ARHGAP45: variants seen among roughly 807,000 people sequenced by gnomAD.
The protein encoded by ARHGAP45 is rho GTPase-activating protein 45.
In ARHGAP45, 56 loss-of-function variants were observed where a neutral mutation model predicts 116.1. That is an observed-to-expected ratio of 0.48 (90% CI 0.39 to 0.60). The LOEUF is 0.60. ARHGAP45 is among the 20% of genes least tolerant of loss of function. The pLI is 0.00. For missense variants in ARHGAP45, 1,622 were observed against 1,601.0 expected (o/e 1.01, Z -0.22); for synonymous variants, 866 against 701.7 (o/e 1.23, Z -3.70).
rs1376387631 is a variant in ARHGAP45, at chr19:1,069,581, G to A, written c.421+837G>A. Among the ~76,000 whole-genome samples the A allele has an allele frequency of 6.6e-6, 1 of 152,222 alleles. No individual in the cohort carries two copies. Among genetic ancestry groups the A allele is most frequent in the Non-Finnish European group, 1.5e-5 (1 of 68,042 alleles). ...CAGAGCCAGGACTGGACCTCAAGTGGTGGAGTGGCCTCTGCACCTTCAGGG... is the reference window on the plus strand; with the variant it reads ...CAGAGCCAGGACTGGACCTCAAGTGATGGAGTGGCCTCTGCACCTTCAGGG... On this transcript the variant is annotated intron_variant, in intron 2 of 22. Transcript: ENST00000313093. This position sits in a 1 kb window ranked among gnomAD's most constrained non-coding sequence, Gnocchi z 4.1.
chr19:1,082,726 C>A, intron 19 of ARHGAP45, 114 bp from the exon 20 acceptor site: 2 of 875,246 alleles, frequency 2.3e-6, no homozygotes, highest in Non-Finnish European at 1.6e-6. Flanking sequence ...AACCCGAGCT[C>A]GGTGGGGTGT....
chr19:1,075,136 G>C (rs772222758), intron 10 of ARHGAP45, among the ~76,000 whole-genome samples: 4 of 152,082 alleles, frequency 2.6e-5, no homozygotes, highest in Non-Finnish European at 5.9e-5. Context: ...CAGAAATGGG[G>C]AGAAGCCGTG....
chr19:1,072,512 C>A (rs1413310007), intron 2 of ARHGAP45, among the ~76,000 whole-genome samples: 1 of 152,200 alleles, frequency 6.6e-6, no homozygotes, highest in Non-Finnish European at 1.5e-5. Flanking sequence ...GCCTCAGCCT[C>A]CCAAAGTGCT....
rs1568478771 is a variant in ARHGAP45 at position 1,081,693 on chromosome 19, C to T, written c.2334C>T (p.Val778=). 1.9e-6 allele frequency: 3 copies of T among 1,589,806 alleles called. No homozygotes were observed. Among genetic ancestry groups the T allele is most frequent in the African/African-American group, 2.7e-5 (2 of 74,410 alleles). The change falls in exon 18 of 23, where the codon GTC becomes GTT. Residue 778 remains valine, a synonymous_variant. Coordinates refer to ENST00000313093, the MANE Select transcript of ARHGAP45 (RefSeq NM_012292.5). ...RSAPDGVPFI[V]KKCVCEIERR... ...CCCCCGACGGCGTGCCCTTCATCGT[C>T]AAGAAGTGCGTCTGCGAGATCGAGC...
chr19:1,077,832 G>A lies in ARHGAP45; in HGVS notation c.1186-25G>A, dbSNP rs754886120. 1.9e-5 allele frequency: 29 copies of A among 1,551,064 alleles called. No individual in the cohort carries two copies. The East Asian group carries it at 6.1e-4, about 33-fold the overall frequency. On this transcript the variant is annotated intron_variant, in intron 10 of 22. Transcript: ENST00000313093. ...CCCATCCGAGGATAGGGTTGGAACT[G>A]GCCTCCTGGCTCCCACACCCACAGC... is the stretch of plus-strand genomic sequence containing the variant.
intron 2 of ARHGAP45, among the ~76,000 whole-genome samples, chr19:1,072,474 T>G (rs568494525): frequency 6.6e-6 from 1 of 152,132 alleles, no homozygotes; most frequent in Admixed American, 6.6e-5. Context: ...AGGCTGGTCT[T>G]GAATTCCTGG....
chr19:1,082,448 C>T, intron 19 of ARHGAP45: 1 of 311,822 alleles, frequency 3.2e-6, no homozygotes, highest in Non-Finnish European at 6.0e-6. Context: ...GCGTGGTCAT[C>T]CCCGGGGAAG....
chr19:1,076,584 T>C (rs1399402843), intron 10 of ARHGAP45, among the ~76,000 whole-genome samples: 1 of 139,442 alleles, frequency 7.2e-6, no homozygotes, highest in Admixed American at 7.5e-5. Context: ...GCAACCTCCA[T>C]CTCCTGGGCT....
Position 1,067,174 on chromosome 19 carries a change from A to C in ARHGAP45, c.-232A>C, listed in dbSNP as rs2043049647. 1 of 1,271,460 alleles carries C rather than the reference A, an allele frequency of 7.9e-7. No individual in the cohort carries two copies. The highest frequency in any genetic ancestry group is 9.9e-7 in the Non-Finnish European group (1 of 1,009,592). The allele number at this position is 1,271,460 out of a possible 1,614,324, so 78.8% of individuals were successfully genotyped here. ...GACCTCACCTTCGCGCCCACTCCGC[A>C]GAGCCGCAGGCTGAGGCCGGGAAGG... On this transcript the variant is annotated 5_prime_UTR_variant, in exon 1 of 23. Transcript: ENST00000313093.
At chr19:1,084,390 G>GT (rs760867160) in intron 22 of ARHGAP45, 44 bp downstream of exon 22, 1 of 1,492,500 alleles carries the variant, frequency 6.7e-7, no homozygotes, top group South Asian at 1.2e-5. Flanking sequence ...AGGCTGGCGT[G>GT]TGCCACCCAT....
At position 1,074,385 on chromosome 19, in the gene ARHGAP45, G is replaced by A; in HGVS notation, c.971G>A (p.Cys324Tyr). Residue 324 changes from cysteine (C) to tyrosine (Y), a missense_variant, in exon 8 of 23, where the codon TGC becomes TAC. By Grantham distance (194) the Cys-to-Tyr change is radical. Coordinates refer to ENST00000313093, the MANE Select transcript of ARHGAP45 (RefSeq NM_012292.5). The part of the protein sequence containing the change: ...AKGLQKIAHN[C>Y]RQSVMQEPHM... ...GGCCTGCAGAAGATCGCTCACAACT[G>A]CAGACAGAGCGTCATGCAGGAGGTG... The A allele has an allele frequency of 1.3e-6, 2 of 1,588,542 alleles. No homozygotes were observed. The highest frequency in any genetic ancestry group is 8.6e-7 in the Non-Finnish European group (1 of 1,166,886).
Position 1,069,634 on chromosome 19 carries a change from C to T in ARHGAP45, c.421+890C>T, listed in dbSNP as rs370457148. ...CTAGTTGGGGAAGGCCCGGTCCCCA[C>T]TGGGAGGAGTGGGAGCCCCCGGGTT... On this transcript the variant is annotated intron_variant, in intron 2 of 22. Transcript: ENST00000313093. The surrounding 1 kb of genome is among the most constrained non-coding windows in gnomAD (Gnocchi z 4.1). Among the ~76,000 whole-genome samples, 37 of 152,286 alleles carry T rather than the reference C, an allele frequency of 2.4e-4. No individual in the cohort carries two copies. The East Asian group carries it at 7.1e-3, about 29-fold the overall frequency.
At position 1,085,647 on chromosome 19, in the gene ARHGAP45, C is replaced by T. The variant is rs200653397; in HGVS notation, c.3065-13C>T. The stretch of plus-strand genomic sequence containing the variant: ...CTGTCTGTCTCCCCCCGCCATCTGT[C>T]TCCCTTTCTTAGAATCCCGAGTTGT... On this transcript the variant is annotated splice_polypyrimidine_tract_variant and intron_variant, in intron 22 of 22. Transcript: ENST00000313093. The T allele has an allele frequency of 1.3e-6, 2 of 1,536,942 alleles. No individual in the cohort carries two copies. The highest frequency in any genetic ancestry group is 1.4e-5 in the African/African-American group (1 of 72,946).
rs2043139200 is a variant in ARHGAP45, at chr19:1,071,437, G to C, written c.422-1712G>C. The C allele has an allele frequency of 3.8e-6, 4 of 1,050,176 alleles. No homozygotes were observed. In the African/African-American group the frequency reaches 6.9e-5, roughly 18 times the overall value. 65.1% of individuals were successfully genotyped at this position (1,050,176 alleles called of 1,614,324 possible). On this transcript the variant is annotated intron_variant, in intron 2 of 22. Transcript: ENST00000313093. This position sits in a 1 kb window ranked among gnomAD's most constrained non-coding sequence, Gnocchi z 4.6. ...GCTCGGGCCGTTTGCCGCCCGCGGT[G>C]GGGGAGCAGCGGCTGCCGCGCGCCT...
chr19:1,068,562 C>T lies in ARHGAP45; in HGVS notation c.239C>T (p.Ser80Leu). 6 of 1,609,728 alleles carry T rather than the reference C, an allele frequency of 3.7e-6. No individual in the cohort carries two copies. The highest frequency in any genetic ancestry group is 1.1e-5 in the South Asian group (1 of 90,870). The change falls in exon 2 of 23, where the codon TCG becomes TTG. Residue 80 changes from serine (S) to leucine (L), a missense_variant. Ser to Leu is a moderately radical substitution (Grantham distance 145). This residue lies in a region of ARHGAP45 where 279 missense variants were observed against 311.9 expected (regional missense o/e 0.89). Coordinates refer to ENST00000313093, the MANE Select transcript of ARHGAP45 (RefSeq NM_012292.5). The surrounding 1 kb of genome is among the most constrained non-coding windows in gnomAD (Gnocchi z 7.5). The part of the protein sequence containing the change: ...RHASAAGFPL[S>L]GAASWTLGRS... ...GCCAGCGCGGCTGGCTTCCCCCTGT[C>T]GGGTGCTGCCTCCTGGACACTGGGC...
rs1482612233 is a variant in ARHGAP45 at position 1,083,270 on chromosome 19, C to T, written c.2872C>T (p.His958Tyr). ...VSLSSLVDYPHQARVIETLIV... is the reference protein window; with the variant it reads ...VSLSSLVDYPYQARVIETLIV... ...CCTCTCCTCCCTGGTGGATTATCCC[C>T]ATCAGGCCCGCGTCATCGAGACTCT... Residue 958 changes from histidine (H) to tyrosine (Y), a missense_variant, in exon 21 of 23, where the codon CAT (histidine) becomes TAT (tyrosine). Physicochemically the swap from His to Tyr is moderately conservative, Grantham distance 83. Transcript: ENST00000313093. 1.3e-6 allele frequency: 2 copies of T among 1,598,130 alleles called. No individual in the cohort carries two copies. Among genetic ancestry groups the T allele is most frequent in the Non-Finnish European group, 1.7e-6 (2 of 1,172,452 alleles).
chr19:1,086,214 T>C lies in ARHGAP45; in HGVS notation c.*208T>C, dbSNP rs1026270285. The C allele has an allele frequency of 2.5e-4, 141 of 570,504 alleles. No homozygotes were observed. Among genetic ancestry groups the C allele is most frequent in the Non-Finnish European group, 3.6e-4 (114 of 318,834 alleles). 35.3% of individuals were successfully genotyped at this position (570,504 alleles called of 1,614,324 possible). A position where few individuals can be genotyped will look rare whatever the true frequency, so the allele number is the denominator to read the frequency against. ...TGCGGCACAGGACTGTGCCCTGTGC[T>C]GTCCCCTGCACCCCGGCTCAGCTGA... On this transcript the variant is annotated 3_prime_UTR_variant, in exon 23 of 23. Transcript: ENST00000313093.
At chr19:1,075,226 T>TG (rs1258853866) in intron 10 of ARHGAP45, among the ~76,000 whole-genome samples, 2 of 143,638 alleles carry the variant, frequency 1.4e-5, no homozygotes, top group Non-Finnish European at 3.0e-5. Context: ...GCCATGCTCC[T>TG]GCATGTATTC....
chr19:1,086,229 GGCTCA>G lies in ARHGAP45; in HGVS notation c.*227_*231del. The G allele has an allele frequency of 3.6e-6, 2 of 550,542 alleles. No homozygotes were observed. Among genetic ancestry groups the G allele is most frequent in the Non-Finnish European group, 6.5e-6 (2 of 307,524 alleles). 34.1% of individuals were successfully genotyped at this position (550,542 alleles called of 1,614,324 possible). Reference sequence around the variant, plus strand: ...TGCCCTGTGCTGTCCCCTGCACCCCGGCTCAGCTGAGCTGGGGAACACTGCTGTCG... The same window carrying G: ...TGCCCTGTGCTGTCCCCTGCACCCCGGCTGAGCTGGGGAACACTGCTGTCG... On this transcript the variant is annotated 3_prime_UTR_variant, in exon 23 of 23. Transcript: ENST00000313093.
Sources: allele counts gnomAD v4.1 joint callset (sites outside exome capture counted in the v4.1 genomes callset), GRCh38; gene constraint gnomAD v4.1.1; regional missense constraint gnomAD v4.1.1; non-coding constraint Gnocchi (gnomAD v3.1); transcripts MANE v1.5; gene names NCBI Gene and HGNC (gene_info 2026-07-23, HGNC 2026-07-21).